TSPAN18: variants seen among roughly 807,000 people sequenced by gnomAD.
TSPAN18 encodes the protein tetraspanin 18, also known as tetraspanin-18.
Under a neutral mutation model 27.3 loss-of-function variants are expected in TSPAN18, and 14 were observed. The ratio of observed to expected loss-of-function variants is 0.51; its 90% confidence interval spans 0.34 to 0.80. The LOEUF (loss-of-function observed/expected upper bound fraction) is 0.80. TSPAN18 is among the 30% of genes least tolerant of loss of function. TSPAN18 has a pLI of 0.01. For synonymous variants in TSPAN18, 143 were observed against 136.5 expected (o/e 1.05, Z -0.33); for missense variants, 268 against 323.9 (o/e 0.83, Z 1.32).
intron 3 of TSPAN18, among the ~76,000 whole-genome samples, chr11:44,861,807 A>T (rs939731243): frequency 4.7e-5 from 7 of 149,848 alleles, no homozygotes; most frequent in Admixed American, 2.7e-4. Flanking sequence ...ACACACACAC[A>T]CACACACACA....
chr11:44,732,053 GC>G (rs1339650917), intron 1 of TSPAN18, among the ~76,000 whole-genome samples: 1 of 152,220 alleles, frequency 6.6e-6, no homozygotes, highest in Non-Finnish European at 1.5e-5. Context: ...TGTCTGGCTG[GC>G]CCTGAATCCC....
Position 44,810,108 on chromosome 11 carries a change from C to T in TSPAN18, c.-153+45596C>T, listed in dbSNP as rs759006324. Among the ~76,000 whole-genome samples the T allele has an allele frequency of 1.9e-4, 29 of 152,202 alleles. 1 individual carries two copies. Among genetic ancestry groups the T allele is most frequent in the African/African-American group, 7.0e-4 (29 of 41,466 alleles). On this transcript the variant is annotated intron_variant, in intron 2 of 9. Coordinates refer to ENST00000520358, the MANE Select transcript of TSPAN18 (RefSeq NM_130783.5). ...ATTGGGAAAACTCAGGCTTTTCTTG[C>T]ATCTTTTTTCTTTTTCCAAAAACCA...
intron 8 of TSPAN18, among the ~76,000 whole-genome samples, chr11:44,922,172 A>G (rs989990815): frequency 6.8e-6 from 1 of 146,678 alleles, no homozygotes; most frequent in Non-Finnish European, 1.5e-5. Context: ...GCTGGAGTGC[A>G]ATGGCACAAT....
chr11:44,861,625 A>G (rs1018994913), intron 3 of TSPAN18, among the ~76,000 whole-genome samples: 2 of 151,862 alleles, frequency 1.3e-5, no homozygotes, highest in African/African-American at 2.4e-5. Context: ...TGGGCAGACA[A>G]AGCAGCAGAT....
At chr11:44,788,854 A>G (rs1856124740) in intron 2 of TSPAN18, among the ~76,000 whole-genome samples, 1 of 152,152 alleles carries the variant, frequency 6.6e-6, no homozygotes, top group Non-Finnish European at 1.5e-5. Flanking sequence ...CATATGTCAG[A>G]GCTGATTTTA....
intron 4 of TSPAN18, chr11:44,909,466 T>G: frequency 4.0e-6 from 2 of 505,254 alleles, no homozygotes; most frequent in South Asian, 3.3e-5. Context: ...GGGGCTTGGG[T>G]CGGAAATTGG....
chr11:44,903,534 G>A (rs1859343137), intron 3 of TSPAN18: 2 of 456,344 alleles, frequency 4.4e-6, no homozygotes, highest in Non-Finnish European at 8.8e-6. Context: ...AGCTCCTTCT[G>A]GCAGCAGGGA....
chr11:44,883,690 C>G (rs1472380470), intron 3 of TSPAN18, among the ~76,000 whole-genome samples: 2 of 152,196 alleles, frequency 1.3e-5, no homozygotes, highest in Non-Finnish European at 2.9e-5. Flanking sequence ...GACCCTGGGT[C>G]CTCTGACTCC....
chr11:44,839,007 A>G (rs948977630), intron 2 of TSPAN18, among the ~76,000 whole-genome samples: 3 of 152,146 alleles, frequency 2.0e-5, no homozygotes, highest in African/African-American at 7.2e-5. Context: ...TGTGGCTAAC[A>G]TCTACAGTCA....
At chr11:44,771,587 T>C (rs954197697) in intron 2 of TSPAN18, among the ~76,000 whole-genome samples, 1 of 152,202 alleles carries the variant, frequency 6.6e-6, no homozygotes, top group African/African-American at 2.4e-5. Flanking sequence ...GATATACAGA[T>C]AGGATATCAG....
At chr11:44,845,521 G>A (rs143882198) in intron 2 of TSPAN18, among the ~76,000 whole-genome samples, 1 of 152,308 alleles carries the variant, frequency 6.6e-6, no homozygotes, top group Non-Finnish European at 1.5e-5. Context: ...AACACAATGG[G>A]AGCACAGCAC....
chr11:44,870,263 G>C (rs1381367045), intron 3 of TSPAN18, among the ~76,000 whole-genome samples: 2 of 152,008 alleles, frequency 1.3e-5, no homozygotes, highest in Non-Finnish European at 2.9e-5. Flanking sequence ...TCCCACCCCA[G>C]CCCCGGGCCA....
chr11:44,860,843 T>C (rs1253977317), intron 3 of TSPAN18, among the ~76,000 whole-genome samples: 4 of 152,122 alleles, frequency 2.6e-5, no homozygotes, highest in African/African-American at 9.7e-5. Flanking sequence ...GAAGTAAAGG[T>C]TGGCTGCAGT....
chr11:44,869,654 C>T (rs1201621625), intron 3 of TSPAN18, among the ~76,000 whole-genome samples: 1 of 152,212 alleles, frequency 6.6e-6, no homozygotes, highest in Admixed American at 6.5e-5. Context: ...GCCTTAGAGA[C>T]ACGGCCAGGC....
chr11:44,882,177 C>T (rs1033434988), intron 3 of TSPAN18, among the ~76,000 whole-genome samples: 1 of 152,160 alleles, frequency 6.6e-6, no homozygotes, highest in South Asian at 2.1e-4. Flanking sequence ...TGGACAGCCT[C>T]ATCCTAAAGC....
rs34906166 is a variant in TSPAN18, at chr11:44,864,286, C to CAAA, written c.-11+3835_-11+3837dup. The stretch of plus-strand genomic sequence containing the variant: ...TGGGTGACTGAGTGAGACTCCGTCT[C>CAAA]AAAAAAAAAAAAAAAAAAAACTTGG... On this transcript the variant is annotated intron_variant, in intron 3 of 9. Transcript: ENST00000520358. 1.0e-3 allele frequency among the ~76,000 whole-genome samples: 95 copies of CAAA among 91,964 alleles called. 2 individuals carry two copies. The highest frequency in any genetic ancestry group is 3.0e-3 in the African/African-American group (66 of 21,690). 60.3% of individuals were successfully genotyped at this position (91,964 alleles called of 152,430 possible).
chr11:44,767,919 C>T (rs778307937), intron 2 of TSPAN18, among the ~76,000 whole-genome samples: 9 of 152,178 alleles, frequency 5.9e-5, no homozygotes, highest in African/African-American at 9.7e-5. Flanking sequence ...CATATATATG[C>T]GGCTCTATTT....
intron 1 of TSPAN18, among the ~76,000 whole-genome samples, chr11:44,737,148 C>T (rs968213334): frequency 1.3e-5 from 2 of 152,218 alleles, no homozygotes; most frequent in African/African-American, 4.8e-5. Context: ...AAGGCCTCTG[C>T]CCCTAAGCCC....
chr11:44,875,554 AGATG>A, intron 3 of TSPAN18, among the ~76,000 whole-genome samples: 1 of 152,214 alleles, frequency 6.6e-6, no homozygotes, highest in South Asian at 2.1e-4. Flanking sequence ...GGAATTGAGA[AGATG>A]TTACAGCATT....
Sources: allele counts gnomAD v4.1 joint callset (sites outside exome capture counted in the v4.1 genomes callset), GRCh38; gene constraint gnomAD v4.1.1; transcripts MANE v1.5; gene names NCBI Gene and HGNC (gene_info 2026-07-23, HGNC 2026-07-21).